The following PKDCC variants were observed in gnomAD, a reference collection of about 807,000 sequenced individuals.
PKDCC encodes the protein extracellular tyrosine-protein kinase PKDCC.
Under a neutral mutation model 44.7 loss-of-function variants are expected in PKDCC, and 35 were observed. That is an observed-to-expected ratio of 0.78 (90% CI 0.60 to 1.04). The LOEUF (loss-of-function observed/expected upper bound fraction) is 1.04, where lower values mean the gene tolerates loss of function less well. Among genes scored for constraint, PKDCC ranks in the 50% least tolerant of loss-of-function variants. The pLI is 0.00. For synonymous variants in PKDCC, 353 were observed against 303.3 expected, an observed-to-expected ratio of 1.16 and a Z score of -1.70; for missense variants, 738 against 672.7, an observed-to-expected ratio of 1.10 and a Z score of -1.07.
At position 42,049,144 on chromosome 2, in the gene PKDCC, G is replaced by A. The variant is rs185375897; in HGVS notation, c.639+306G>A. On this transcript the variant is annotated intron_variant, in intron 1 of 6. Coordinates refer to ENST00000294964, the MANE Select transcript of PKDCC (RefSeq NM_138370.3). ...CATTAGGATTTAGGACTCTACTCCGGGCTGGAGTTAGGAGGTTGAACACCA... is the reference window on the plus strand; with the variant it reads ...CATTAGGATTTAGGACTCTACTCCGAGCTGGAGTTAGGAGGTTGAACACCA... Among the ~76,000 whole-genome samples the A allele has an allele frequency of 8.4e-3, 1,274 of 152,284 alleles. 10 individuals carry two copies. Among genetic ancestry groups the A allele is most frequent in the Non-Finnish European group, 0.014 (944 of 68,022 alleles).
At chr2:42,050,749 A>G (rs1203613401) in intron 1 of PKDCC, among the ~76,000 whole-genome samples, 1 of 152,090 alleles carries the variant, frequency 6.6e-6, no homozygotes, top group African/African-American at 2.4e-5. Flanking sequence ...AGAGAGGGTC[A>G]CAGGTCCTTT....
chr2:42,057,283 C>T lies in PKDCC; in HGVS notation c.1285C>T (p.His429Tyr). 1 of 1,614,214 alleles carries T rather than the reference C, an allele frequency of 6.2e-7. No homozygotes were observed. The highest frequency in any genetic ancestry group is 8.5e-7 in the Non-Finnish European group (1 of 1,180,034). ...QEDYRCWPSY[H>Y]HGSCLLSVFN... is the part of the protein sequence containing the mutation. Reference sequence around the variant, plus strand: ...AGACTACCGCTGCTGGCCATCCTACCACCACGGGAGCTGCCTCCTTTCAGT... The same window carrying T: ...AGACTACCGCTGCTGGCCATCCTACTACCACGGGAGCTGCCTCCTTTCAGT... The change falls in exon 6 of 7, where the codon CAC (histidine) becomes TAC (tyrosine). Residue 429 changes from histidine to tyrosine, a missense_variant. Transcript: ENST00000294964.
In PKDCC at chr2:42,048,329, GC is replaced by G. The variant is rs1160415759; in HGVS notation, c.134del (p.Pro45ArgfsTer43). 7.6e-6 allele frequency: 9 copies of G among 1,185,888 alleles called. No homozygotes were observed. Among genetic ancestry groups the G allele is most frequent in the East Asian group, 3.7e-5 (1 of 27,084 alleles). 73.5% of individuals were successfully genotyped at this position (1,185,888 alleles called of 1,614,324 possible). A position where few individuals can be genotyped will look rare whatever the true frequency, so the allele number is the denominator to read the frequency against. ...RPGQSPEPSP[A>X]PGPGRRGGRG... ...AGGCCAGTCCCCTGAGCCTTCGCCGGCCCCGGGTCCGGGCCGTCGCGGGGGC... is the reference window on the plus strand; with the variant it reads ...AGGCCAGTCCCCTGAGCCTTCGCCGGCCCGGGTCCGGGCCGTCGCGGGGGC... On this transcript the variant is annotated frameshift_variant, in exon 1 of 7. Transcript: ENST00000294964. LOFTEE classifies it high-confidence loss of function. This position sits in a 1 kb window ranked among gnomAD's most constrained non-coding sequence, Gnocchi z 6.2.
At position 42,048,439 on chromosome 2, in the gene PKDCC, C is replaced by A; in HGVS notation, c.240C>A (p.Gly80=). 2.7e-6 allele frequency: 3 copies of A among 1,110,148 alleles called. No individual in the cohort carries two copies. Among genetic ancestry groups the A allele is most frequent in the Non-Finnish European group, 2.2e-6 (2 of 913,446 alleles). The allele number at this position is 1,110,148 out of a possible 1,614,324, so 68.8% of individuals were successfully genotyped here. The change falls in exon 1 of 7, where the codon GGC becomes GGA. Residue 80 remains glycine, a synonymous_variant. Transcript: ENST00000294964. The surrounding 1 kb of genome is among the most constrained non-coding windows in gnomAD (Gnocchi z 6.2). ...YSRGGPGPGA[G]RPERRRLMDL... is the part of the protein sequence containing the mutation. ...GCGGGGGCCCCGGGCCCGGGGCGGG[C>A]CGGCCGGAGCGGCGGCGCCTGATGG...
chr2:42,048,157 CCGGGGA>C lies in PKDCC; in HGVS notation c.-42_-37del, dbSNP rs1190834833. The C allele has an allele frequency of 1.5e-4, 149 of 995,514 alleles. No homozygotes were observed. Among genetic ancestry groups the C allele is most frequent in the Admixed American group, 2.1e-4 (3 of 14,066 alleles). 61.7% of individuals were successfully genotyped at this position (995,514 alleles called of 1,614,324 possible). On this transcript the variant is annotated 5_prime_UTR_variant, in exon 1 of 7. Transcript: ENST00000294964. The surrounding 1 kb of genome is among the most constrained non-coding windows in gnomAD (Gnocchi z 6.2). ...GAGCCTGAGCCGCCCGGGGCCGGGGCCGGGGAGCCGCGCGGGGCCGGCCGGCCGGGG... is the reference window on the plus strand; with the variant it reads ...GAGCCTGAGCCGCCCGGGGCCGGGGCGCCGCGCGGGGCCGGCCGGCCGGGG...
rs1374440976 is a variant in PKDCC, at chr2:42,052,798, G to A, written c.640-441G>A. On this transcript the variant is annotated intron_variant, in intron 1 of 6. Transcript: ENST00000294964. This position sits in a 1 kb window ranked among gnomAD's most constrained non-coding sequence, Gnocchi z 4.3. ...TAAAAATAGGTTGTGGAATCCGAGT[G>A]GCACAAATTCACATCTTAGGCTCCT... Among the ~76,000 whole-genome samples, 2 of 141,960 alleles carry A rather than the reference G, an allele frequency of 1.4e-5. No homozygotes were observed. Among genetic ancestry groups the A allele is most frequent in the South Asian group, 2.2e-4 (1 of 4,468 alleles). 93.1% of individuals were successfully genotyped at this position (141,960 alleles called of 152,430 possible).
intron 1 of PKDCC, 36 bp from the exon 2 acceptor site, chr2:42,053,203 C>G: frequency 6.8e-7 from 1 of 1,473,452 alleles, no homozygotes; most frequent in Middle Eastern, 1.8e-4. Context: ...CCACCCCCAC[C>G]CTGTGACCTA....
At chr2:42,053,996 A>G in intron 2 of PKDCC, 40 bp from the exon 3 acceptor site, 1 of 1,588,164 alleles carries the variant, frequency 6.3e-7, no homozygotes, top group South Asian at 1.1e-5. Flanking sequence ...CCCCCAACCC[A>G]GGAGAAAAGC....
At chr2:42,049,080 C>T (rs1467972175) in intron 1 of PKDCC, among the ~76,000 whole-genome samples, 2 of 152,110 alleles carry the variant, frequency 1.3e-5, no homozygotes, top group Non-Finnish European at 2.9e-5. Flanking sequence ...AAAGACAGGC[C>T]AGGACAGAGG....
chr2:42,048,166 C>T lies in PKDCC; in HGVS notation c.-34C>T. Reference sequence around the variant, plus strand: ...CCGCCCGGGGCCGGGGCCGGGGAGCCGCGCGGGGCCGGCCGGCCGGGGGGA... The same window carrying T: ...CCGCCCGGGGCCGGGGCCGGGGAGCTGCGCGGGGCCGGCCGGCCGGGGGGA... On this transcript the variant is annotated 5_prime_UTR_variant, in exon 1 of 7. Coordinates refer to ENST00000294964, the MANE Select transcript of PKDCC (RefSeq NM_138370.3). This position sits in a 1 kb window ranked among gnomAD's most constrained non-coding sequence, Gnocchi z 6.2. The T allele has an allele frequency of 9.9e-7, 1 of 1,014,224 alleles. No homozygotes were observed. The highest frequency in any genetic ancestry group is 1.2e-6 in the Non-Finnish European group (1 of 861,892). 62.8% of individuals were successfully genotyped at this position (1,014,224 alleles called of 1,614,324 possible).
rs1331873861 is a variant in PKDCC at position 42,051,489 on chromosome 2, G to T, written c.640-1750G>T. Among the ~76,000 whole-genome samples the T allele has an allele frequency of 1.3e-5, 2 of 152,202 alleles. No individual in the cohort carries two copies. The highest frequency in any genetic ancestry group is 1.9e-4 in the East Asian group (1 of 5,174). ...TGCTCAGCCTCACGCTTCCTGGGGG[G>T]GGTTAATGGTGTCTTTTTATTTTTT... On this transcript the variant is annotated intron_variant, in intron 1 of 6. Transcript: ENST00000294964. This position sits in a 1 kb window ranked among gnomAD's most constrained non-coding sequence, Gnocchi z 4.2.
At chr2:42,053,190 T>TGCCCACCCCC in intron 1 of PKDCC, 49 bp from the exon 2 acceptor site, 1 of 1,200,010 alleles carries the variant, frequency 8.3e-7, no homozygotes, top group Non-Finnish European at 1.2e-6. Context: ...CCCTTCCCTG[T>TGCCCACCCCC]CCCCACCCCC....
chr2:42,048,299 AG>A lies in PKDCC; in HGVS notation c.102del (p.Arg34SerfsTer54). ...VLFAPGSEPP[R>X]PGQSPEPSPA... Reference sequence around the variant, plus strand: ...CTTCGCTCCGGGCTCGGAGCCTCCGAGGCCAGGCCAGTCCCCTGAGCCTTCG... The same window carrying A: ...CTTCGCTCCGGGCTCGGAGCCTCCGAGCCAGGCCAGTCCCCTGAGCCTTCG... On this transcript the variant is annotated frameshift_variant, in exon 1 of 7. Transcript: ENST00000294964. LOFTEE classifies it high-confidence loss of function. The surrounding 1 kb of genome is among the most constrained non-coding windows in gnomAD (Gnocchi z 6.2). The A allele has an allele frequency of 8.0e-7, 1 of 1,248,334 alleles. No individual in the cohort carries two copies. Among genetic ancestry groups the A allele is most frequent in the Non-Finnish European group, 1.0e-6 (1 of 993,488 alleles). 77.3% of individuals were successfully genotyped at this position (1,248,334 alleles called of 1,614,324 possible).
At position 42,057,603 on chromosome 2, in the gene PKDCC, G is replaced by T. The variant is rs145926479; in HGVS notation, c.1397G>T (p.Gly466Val). 3.7e-6 allele frequency: 6 copies of T among 1,613,532 alleles called. No individual in the cohort carries two copies. Among genetic ancestry groups the T allele is most frequent in the Non-Finnish European group, 5.1e-6 (6 of 1,179,894 alleles). The change falls in exon 7 of 7, where the codon GGT becomes GTT. Residue 466 changes from glycine to valine, a missense_variant and splice_region_variant. Transcript: ENST00000294964. The stretch of plus-strand genomic sequence containing the variant: ...GTTACCTCTCACCTCTGCCCCCCAG[G>T]TCGGCAGCTGGTCTTTTTCAAGACT... ...FVVTNQTTWT[G>V]RQLVFFKTGW...
At position 42,051,707 on chromosome 2, in the gene PKDCC, T is replaced by A. The variant is rs1271993910; in HGVS notation, c.640-1532T>A. Among the ~76,000 whole-genome samples the A allele has an allele frequency of 6.7e-6, 1 of 149,956 alleles. No individual in the cohort carries two copies. The highest frequency in any genetic ancestry group is 1.5e-5 in the Non-Finnish European group (1 of 67,478). ...CTTCCCTGGACTGATGGGGAGGGGGTGGAGAGAGAAGAGGGTGCCTGGAGC... is the reference window on the plus strand; with the variant it reads ...CTTCCCTGGACTGATGGGGAGGGGGAGGAGAGAGAAGAGGGTGCCTGGAGC... On this transcript the variant is annotated intron_variant, in intron 1 of 6. Transcript: ENST00000294964. This position sits in a 1 kb window ranked among gnomAD's most constrained non-coding sequence, Gnocchi z 4.2.
chr2:42,057,841 G>A lies in PKDCC; in HGVS notation c.*153G>A, dbSNP rs1390036244. ...ACAGACAGATGTGACCAGGACAAAC[G>A]TGCAATAATGCCAAATGTTAAAATG... is the stretch of plus-strand genomic sequence containing the variant. On this transcript the variant is annotated 3_prime_UTR_variant, in exon 7 of 7. Transcript: ENST00000294964. 5 of 635,424 alleles carry A rather than the reference G, an allele frequency of 7.9e-6. No individual in the cohort carries two copies. The highest frequency in any genetic ancestry group is 2.0e-5 in the South Asian group (1 of 49,922). The allele number at this position is 635,424 out of a possible 1,614,324, so 39.4% of individuals were successfully genotyped here.
In PKDCC at chr2:42,055,116, C is replaced by A; in HGVS notation, c.1114+96C>A. ...AAAATAACCCAGGGCAGCAGGGGTTCTAGAAACCATCACTTCCTAAGGTGG... is the reference window on the plus strand; with the variant it reads ...AAAATAACCCAGGGCAGCAGGGGTTATAGAAACCATCACTTCCTAAGGTGG... On this transcript the variant is annotated intron_variant, in intron 4 of 6. Coordinates refer to ENST00000294964, the MANE Select transcript of PKDCC (RefSeq NM_138370.3). The surrounding 1 kb of genome is among the most constrained non-coding windows in gnomAD (Gnocchi z 4.5). 1 of 1,410,438 alleles carries A rather than the reference C, an allele frequency of 7.1e-7. No homozygotes were observed. Among genetic ancestry groups the A allele is most frequent in the Non-Finnish European group, 1.0e-6 (1 of 1,000,518 alleles). The allele number at this position is 1,410,438 out of a possible 1,614,324, so 87.4% of individuals were successfully genotyped here.
rs1184211949 is a variant in PKDCC, at chr2:42,057,344, G to A, written c.1346G>A (p.Ser449Asn). Residue 449 changes from serine to asparagine, a missense_variant, in exon 6 of 7, where the codon AGC becomes AAC. Coordinates refer to ENST00000294964, the MANE Select transcript of PKDCC (RefSeq NM_138370.3). Reference protein sequence around the residue: ...NLAEAVDVCESHAQCRAFVVT... With the variant: ...NLAEAVDVCENHAQCRAFVVT... Reference sequence around the variant, plus strand: ...GCTGAGGCTGTGGATGTCTGTGAGAGCCATGCCCAGTGTCGGGCCTTTGTG... The same window carrying A: ...GCTGAGGCTGTGGATGTCTGTGAGAACCATGCCCAGTGTCGGGCCTTTGTG... 14 of 1,614,206 alleles carry A rather than the reference G, an allele frequency of 8.7e-6. No individual in the cohort carries two copies. Among genetic ancestry groups the A allele is most frequent in the African/African-American group, 1.3e-5 (1 of 75,050 alleles).
intron 1 of PKDCC, among the ~76,000 whole-genome samples, chr2:42,049,506 G>A (rs957118779): frequency 6.6e-6 from 1 of 152,162 alleles, no homozygotes; most frequent in Non-Finnish European, 1.5e-5. Context: ...TTGAGCCCCT[G>A]GAGAAGCCTG....
Sources: allele counts gnomAD v4.1 joint callset (sites outside exome capture counted in the v4.1 genomes callset), GRCh38; gene constraint gnomAD v4.1.1; non-coding constraint Gnocchi (gnomAD v3.1); transcripts MANE v1.5; gene names NCBI Gene and HGNC (gene_info 2026-07-23, HGNC 2026-07-21).